Variants in DST observed in about 807,000 individuals in gnomAD.
DST encodes the protein bullous pemphigoid antigen.
A neutral mutation model predicts 875.2 loss-of-function variants in DST; 253 were observed. That is an observed-to-expected ratio of 0.29 (90% CI 0.26 to 0.32). The LOEUF (loss-of-function observed/expected upper bound fraction) is 0.32. Ranked by LOEUF, DST falls within the 10% of genes least tolerant of loss-of-function variation. The pLI is 1.00. For missense variants in DST, 8,287 were observed against 9,111.6 expected, an observed-to-expected ratio of 0.91 and a Z score of 3.68; for synonymous variants, 3,124 against 3,197.1, an observed-to-expected ratio of 0.98 and a Z score of 0.77.
chr6:56,865,453 C>T (rs1188054464), intron 3 of DST, among the ~76,000 whole-genome samples: 2 of 152,114 alleles, frequency 1.3e-5, no homozygotes, highest in Admixed American at 6.5e-5. Context: ...CTCCTCCCAC[C>T]TCAGCCTCCC....
intron 73 of DST, among the ~76,000 whole-genome samples, chr6:56,510,295 T>C (rs1457032467): frequency 1.3e-5 from 2 of 152,214 alleles, no homozygotes; most frequent in South Asian, 2.1e-4. Context: ...TCATTTTTAA[T>C]GAACTATTAT....
At chr6:56,568,722 A>C (rs993620757) in intron 54 of DST, 127 bp from the exon 55 acceptor site, 1 of 843,000 alleles carries the variant, frequency 1.2e-6, no homozygotes, top group African/African-American at 1.7e-5. Context: ...GGAGTCGATG[A>C]AAGAAAAAGG....
chr6:56,918,804 A>C (rs2127734645), intron 2 of DST, among the ~76,000 whole-genome samples: 1 of 152,230 alleles, frequency 6.6e-6, no homozygotes, highest in East Asian at 1.9e-4. Flanking sequence ...GAGGCAGGAG[A>C]ATTGCTTAAC....
chr6:56,646,003 A>C lies in DST; in HGVS notation c.1651-10T>G. The C allele has an allele frequency of 6.2e-7, 1 of 1,607,422 alleles. No individual in the cohort carries two copies. The highest frequency in any genetic ancestry group is 8.5e-7 in the Non-Finnish European group (1 of 1,178,184). Reference sequence around the variant, plus strand: ...CAAATTCTATCCAAATCTTGAGAAAACAAAAAACTTTAATGTGAAGCAAAA... The same window carrying C: ...CAAATTCTATCCAAATCTTGAGAAACCAAAAAACTTTAATGTGAAGCAAAA... On this transcript the variant is annotated splice_polypyrimidine_tract_variant and intron_variant, in intron 14 of 103. Coordinates refer to ENST00000680361, the MANE Select transcript of DST (RefSeq NM_001374736.1).
At chr6:56,616,299 G>A in intron 36 of DST, 1 of 1,613,954 alleles carries the variant, frequency 6.2e-7, no homozygotes, top group Non-Finnish European at 8.5e-7. Context: ...GTCAGCATAT[G>A]AGAAGAATGC....
At chr6:56,583,995 G>A (rs1441721210) in intron 49 of DST, among the ~76,000 whole-genome samples, 1 of 152,136 alleles carries the variant, frequency 6.6e-6, no homozygotes, top group East Asian at 1.9e-4. Context: ...GGTTACTGTA[G>A]CCTTGTAGTA....
At chr6:56,787,953 C>G (rs986096205) in intron 4 of DST, among the ~76,000 whole-genome samples, 6 of 151,270 alleles carry the variant, frequency 4.0e-5, no homozygotes, top group Non-Finnish European at 7.4e-5. Context: ...AGCCTGGCCT[C>G]TACTAAAAAT....
At chr6:56,843,609 C>T in intron 4 of DST, 1 of 983,926 alleles carries the variant, frequency 1.0e-6, no homozygotes, top group Non-Finnish European at 1.2e-6. Flanking sequence ...GGAGGACCGG[C>T]GCGCTGCCTT....
chr6:56,637,092 A>AAAAC (rs1416846621), intron 22 of DST, among the ~76,000 whole-genome samples: 2 of 147,944 alleles, frequency 1.4e-5, no homozygotes, highest in African/African-American at 2.6e-5. Context: ...TCAAAAAACA[A>AAAAC]AAACAAACAA....
chr6:56,587,922 G>A (rs2098192345), intron 49 of DST, among the ~76,000 whole-genome samples: 1 of 151,950 alleles, frequency 6.6e-6, no homozygotes, highest in South Asian at 2.1e-4. Context: ...CACTAAACAT[G>A]GAAAGGAACA....
rs1427692022 is a variant in DST, at chr6:56,627,981, G to T, written c.4638+18C>A. On this transcript the variant is annotated intron_variant, in intron 33 of 103. Transcript: ENST00000680361. ...AAATGCAGACATAACCTCAGTAGAG[G>T]GAATTATTTTTACATACCTTCTGTT... 1 of 1,611,888 alleles carries T rather than the reference G, an allele frequency of 6.2e-7. No homozygotes were observed. The highest frequency in any genetic ancestry group is 1.1e-5 in the South Asian group (1 of 91,028).
intron 2 of DST, among the ~76,000 whole-genome samples, chr6:56,922,919 T>A (rs1476995722): frequency 6.6e-6 from 1 of 152,086 alleles, no homozygotes; most frequent in Non-Finnish European, 1.5e-5. Flanking sequence ...GTAATTAAAA[T>A]TAATATTAAG....
At chr6:56,627,603 C>T (rs1219085584) in intron 33 of DST, among the ~76,000 whole-genome samples, 5 of 152,110 alleles carry the variant, frequency 3.3e-5, no homozygotes, top group African/African-American at 9.7e-5. Flanking sequence ...TAAGATAGAA[C>T]AAAAATCTCA....
chr6:56,498,260 A>G (rs2095991059), intron 80 of DST, among the ~76,000 whole-genome samples: 1 of 152,122 alleles, frequency 6.6e-6, no homozygotes, highest in Admixed American at 6.6e-5. Flanking sequence ...TGCAACCTCA[A>G]CACCTGGGCT....
intron 10 of DST, among the ~76,000 whole-genome samples, chr6:56,653,577 C>A (rs893594189): frequency 2.0e-5 from 3 of 151,848 alleles, no homozygotes; most frequent in Non-Finnish European, 4.4e-5. Flanking sequence ...CCCAGCTACT[C>A]GGGAGGCTGA....
intron 4 of DST, among the ~76,000 whole-genome samples, chr6:56,779,110 T>G (rs574883870): frequency 6.6e-6 from 1 of 152,268 alleles, no homozygotes; most frequent in East Asian, 1.9e-4. Flanking sequence ...ATTGTGGTTT[T>G]GATTTGCATT....
At chr6:56,750,315 C>T (rs901403635) in intron 4 of DST, among the ~76,000 whole-genome samples, 1 of 152,170 alleles carries the variant, frequency 6.6e-6, no homozygotes, top group Admixed American at 6.5e-5. Context: ...CTTTCTGTAT[C>T]GTTCCAATTT....
intron 10 of DST, among the ~76,000 whole-genome samples, chr6:56,664,151 T>C (rs186024882): frequency 6.6e-6 from 1 of 152,134 alleles, no homozygotes. Flanking sequence ...TGCAAAGCCC[T>C]CCTGCACATT....
chr6:56,639,170 G>C, intron 22 of DST, 89 bp downstream of exon 22: 1 of 1,145,434 alleles, frequency 8.7e-7, no homozygotes, highest in Non-Finnish European at 1.3e-6. Context: ...TAGATGGCTT[G>C]TAATTTTCAA....
Sources: gnomAD v4.1 joint callset for allele counts (sites outside exome capture counted in the v4.1 genomes callset) on GRCh38, gnomAD v4.1.1 for gene constraint, MANE v1.5 for transcripts, NCBI Gene and HGNC (gene_info 2026-07-23, HGNC 2026-07-21) for gene names.